Variants in SLC39A9 observed in about 807,000 individuals in gnomAD.
SLC39A9 encodes the protein solute carrier family 39 member 9, also known as zinc transporter ZIP9.
Under a neutral mutation model 28.4 loss-of-function variants are expected in SLC39A9, and 14 were observed. The ratio of observed to expected loss-of-function variants is 0.49; its 90% CI spans 0.33 to 0.77. The LOEUF (loss-of-function observed/expected upper bound fraction) is 0.77, where lower values mean the gene tolerates loss of function less well. Ranked by LOEUF, SLC39A9 falls within the 30% of genes least tolerant of loss-of-function variation. The probability of loss-of-function intolerance (pLI) is 0.02; values close to 1 mark genes in which losing one functional copy is unlikely to be tolerated. For synonymous variants in SLC39A9, 119 were observed against 149.6 expected (o/e 0.80, Z 1.49); for missense variants, 283 against 381.1 (o/e 0.74, Z 2.14).
chr14:69,442,363 T>G, intron 3 of SLC39A9, 97 bp downstream of exon 3: 1 of 1,180,744 alleles, frequency 8.5e-7, no homozygotes, highest in Non-Finnish European at 1.2e-6. Flanking sequence ...TGGCCATATT[T>G]AGTGCTAAAA....
intron 1 of SLC39A9, among the ~76,000 whole-genome samples, chr14:69,412,482 C>T: frequency 6.6e-6 from 1 of 152,038 alleles, no homozygotes. Context: ...TCTGAATCAA[C>T]TAATCACTGA....
chr14:69,445,895 G>A (rs1272045259), intron 3 of SLC39A9, among the ~76,000 whole-genome samples: 1 of 152,146 alleles, frequency 6.6e-6, no homozygotes, highest in African/African-American at 2.4e-5. Flanking sequence ...TATTTCAAGT[G>A]AATAATACAA....
intron 2 of SLC39A9, among the ~76,000 whole-genome samples, chr14:69,425,788 G>T (rs1429379402): frequency 6.6e-6 from 1 of 151,996 alleles, no homozygotes; most frequent in African/African-American, 2.4e-5. Flanking sequence ...CTCCTGAGTA[G>T]CTGGGACTAT....
intron 2 of SLC39A9, among the ~76,000 whole-genome samples, chr14:69,432,789 A>G (rs971409030): frequency 9.2e-5 from 14 of 152,094 alleles, no homozygotes; most frequent in African/African-American, 3.1e-4. Flanking sequence ...TCCCAGCACC[A>G]TTTATTGACT....
intron 1 of SLC39A9, among the ~76,000 whole-genome samples, chr14:69,409,165 T>C (rs149073078): frequency 1.6e-3 from 247 of 152,386 alleles, no homozygotes; most frequent in South Asian, 8.9e-3. Flanking sequence ...TTATCTATTA[T>C]CCAACTGTTC....
intron 2 of SLC39A9, among the ~76,000 whole-genome samples, chr14:69,437,569 C>T (rs1332689196): frequency 3.3e-5 from 5 of 151,742 alleles, no homozygotes; most frequent in African/African-American, 1.2e-4. Context: ...ATGTTAATAC[C>T]TCTGTTAAAG....
chr14:69,428,581 C>T (rs1566915540), intron 2 of SLC39A9: 1 of 152,560 alleles, frequency 6.6e-6, no homozygotes, highest in Non-Finnish European at 1.5e-5. Flanking sequence ...CAGTTGTGCC[C>T]AGATCAGCTG....
At chr14:69,416,843 T>C (rs1299341823) in intron 1 of SLC39A9, among the ~76,000 whole-genome samples, 1 of 152,236 alleles carries the variant, frequency 6.6e-6, no homozygotes, top group Non-Finnish European at 1.5e-5. Flanking sequence ...TGTAAATTTG[T>C]TTAAGTTCTT....
chr14:69,398,427 G>C, upstream of SLC39A9: 1 of 699,668 alleles, frequency 1.4e-6, no homozygotes, highest in South Asian at 1.8e-5. Context: ...CTCTGTTTCA[G>C]CCATCTTCGA....
At chr14:69,458,144 A>G (rs1885953320) in intron 6 of SLC39A9, among the ~76,000 whole-genome samples, 1 of 152,202 alleles carries the variant, frequency 6.6e-6, no homozygotes, top group Non-Finnish European at 1.5e-5. Flanking sequence ...TTGATTTACA[A>G]TAAATTTTTT....
intron 1 of SLC39A9, among the ~76,000 whole-genome samples, chr14:69,404,456 A>C (rs1882803292): frequency 6.6e-6 from 1 of 152,248 alleles, no homozygotes; most frequent in Admixed American, 6.5e-5. Context: ...GCACAGGCTT[A>C]ACACTATGTC....
At chr14:69,411,693 G>A (rs1341400361) in intron 1 of SLC39A9, among the ~76,000 whole-genome samples, 1 of 151,934 alleles carries the variant, frequency 6.6e-6, no homozygotes, top group Non-Finnish European at 1.5e-5. Context: ...CCCAAGTTGT[G>A]TGAAAGAATA....
In SLC39A9 at chr14:69,458,424, G is replaced by A; in HGVS notation, c.755G>A (p.Gly252Glu). The change falls in exon 7 of 7, where the codon GGG (glycine) becomes GAG (glutamate). Residue 252 changes from glycine (G) to glutamate (E), a missense_variant. Physicochemically the swap from Gly to Glu is moderately conservative, Grantham distance 98. Transcript: ENST00000336643. The stretch of plus-strand genomic sequence containing the variant: ...GGAGTGGCCATGCTTTTCTCTGCCG[G>A]GACATTTCTTTATGTTGCCACAGTA... The part of the protein sequence containing the change: ...ATGVAMLFSA[G>E]TFLYVATVHV... 3 of 1,614,188 alleles carry A rather than the reference G, an allele frequency of 1.9e-6. No individual in the cohort carries two copies. The highest frequency in any genetic ancestry group is 2.5e-6 in the Non-Finnish European group (3 of 1,180,030).
chr14:69,450,526 G>C (rs1885555419), intron 3 of SLC39A9, among the ~76,000 whole-genome samples: 1 of 152,116 alleles, frequency 6.6e-6, no homozygotes, highest in African/African-American at 2.4e-5. Flanking sequence ...TGTAATCCCA[G>C]CACTTTGGGA....
intron 3 of SLC39A9, among the ~76,000 whole-genome samples, chr14:69,449,524 C>T (rs1284436294): frequency 6.6e-6 from 1 of 151,932 alleles, no homozygotes; most frequent in African/African-American, 2.4e-5. Context: ...ACTTGGGAGG[C>T]TGAGATGGGA....
rs1882547852 is a variant in SLC39A9 at position 69,400,106 on chromosome 14, A to G, written c.96+641A>G. ...ATGGAGAATGTTATTTTTCTACATG[A>G]ACTGAAATCAATATGATAACTTCCT... On this transcript the variant is annotated intron_variant, in intron 1 of 6. Coordinates refer to ENST00000336643, the MANE Select transcript of SLC39A9 (RefSeq NM_018375.5). Among the ~76,000 whole-genome samples, 3 of 152,216 alleles carry G rather than the reference A, an allele frequency of 2.0e-5. No individual in the cohort carries two copies. In the South Asian group the frequency reaches 6.2e-4, roughly 32 times the overall value.
At position 69,461,262 on chromosome 14, in the gene SLC39A9, T is replaced by C; in HGVS notation, c.*2669T>C. ...TTGGTAGGGATAGACTTTCTTCAGA[T>C]TCCAAGTGCTCTCTTAAATGGCAAA... is the stretch of plus-strand genomic sequence containing the variant. On this transcript the variant is annotated 3_prime_UTR_variant, in exon 7 of 7. Coordinates refer to ENST00000336643, the MANE Select transcript of SLC39A9 (RefSeq NM_018375.5). 5.0e-6 allele frequency: 5 copies of C among 991,108 alleles called. No individual in the cohort carries two copies. The highest frequency in any genetic ancestry group is 6.0e-6 in the Non-Finnish European group (5 of 833,588). The allele number at this position is 991,108 out of a possible 1,614,324, so 61.4% of individuals were successfully genotyped here. A position where few individuals can be genotyped will look rare whatever the true frequency, so the allele number is the denominator to read the frequency against.
intron 2 of SLC39A9, 42 bp downstream of exon 2, chr14:69,424,244 T>A (rs1285125770): frequency 6.9e-7 from 1 of 1,454,134 alleles, no homozygotes; most frequent in Admixed American, 1.7e-5. Flanking sequence ...GTTATTGACT[T>A]GGAGGGTTAG....
rs1886130071 is a variant in SLC39A9 at position 69,461,951 on chromosome 14, A to G, written c.*3358A>G. 1 of 483,178 alleles carries G rather than the reference A, an allele frequency of 2.1e-6. No individual in the cohort carries two copies. Among genetic ancestry groups the G allele is most frequent in the Non-Finnish European group, 3.6e-6 (1 of 274,498 alleles). 29.9% of individuals were successfully genotyped at this position (483,178 alleles called of 1,614,324 possible). ...TCCTTCCATTAGAAAATTTCTGCTC[A>G]ATACAGAATGGTCCACATCACCCAA... On this transcript the variant is annotated 3_prime_UTR_variant, in exon 7 of 7. Transcript: ENST00000336643.
Sources: gnomAD v4.1 joint callset for allele counts (sites outside exome capture counted in the v4.1 genomes callset) on GRCh38, gnomAD v4.1.1 for gene constraint, MANE v1.5 for transcripts, NCBI Gene and HGNC (gene_info 2026-07-23, HGNC 2026-07-21) for gene names.